The following SMYD3 variants were observed in gnomAD, a reference collection of about 807,000 sequenced individuals.
The protein encoded by SMYD3 is histone-lysine N-methyltransferase SMYD3.
Under a neutral mutation model 57.7 loss-of-function variants are expected in SMYD3, and 36 were observed. The ratio of observed to expected loss-of-function variants is 0.62; its 90% CI spans 0.48 to 0.82. SMYD3 has a LOEUF of 0.82. SMYD3 is among the 40% of genes least tolerant of loss of function. The probability of loss-of-function intolerance (pLI) is 0.00; values close to 1 mark genes in which losing one functional copy is unlikely to be tolerated. For missense variants in SMYD3, 515 were observed against 538.8 expected (o/e 0.96, Z 0.44); for synonymous variants, 211 against 195.0 (o/e 1.08, Z -0.68).
intron 5 of SMYD3, among the ~76,000 whole-genome samples, chr1:246,187,798 C>A (rs2062665857): frequency 6.6e-6 from 1 of 152,126 alleles, no homozygotes; most frequent in South Asian, 2.1e-4. Context: ...GGAACCCATT[C>A]CTTGGAGATA....
At chr1:245,811,988 G>T (rs1445850081) in intron 10 of SMYD3, among the ~76,000 whole-genome samples, 1 of 152,162 alleles carries the variant, frequency 6.6e-6, no homozygotes, top group Non-Finnish European at 1.5e-5. Context: ...ACAGAAGATG[G>T]TCCTCTTTCT....
intron 5 of SMYD3, among the ~76,000 whole-genome samples, chr1:246,014,179 C>G (rs111795916): frequency 0.059 from 8,959 of 152,126 alleles, 293 homozygotes; most frequent in African/African-American, 0.068. Context: ...AAAAGTTAGC[C>G]GGGCATGGTG....
intron 1 of SMYD3, among the ~76,000 whole-genome samples, chr1:246,497,990 A>G (rs947353211): frequency 5.3e-4 from 81 of 152,366 alleles, no homozygotes; most frequent in African/African-American, 1.7e-3. Flanking sequence ...CTTCACCCAT[A>G]ATGCAATTTA....
At chr1:246,504,716 A>G (rs1307459679) in intron 1 of SMYD3, among the ~76,000 whole-genome samples, 1 of 152,226 alleles carries the variant, frequency 6.6e-6, no homozygotes, top group African/African-American at 2.4e-5. Context: ...GTTAGGAGGA[A>G]AATTCTGCCA....
rs931205209 is a variant in SMYD3, at chr1:246,056,910, C to A, written c.532-126973G>T. Among the ~76,000 whole-genome samples the A allele has an allele frequency of 2.4e-4, 36 of 152,310 alleles. 1 individual carries two copies. The highest frequency in any genetic ancestry group is 8.7e-4 in the African/African-American group (36 of 41,556). On this transcript the variant is annotated intron_variant, in intron 5 of 11. Coordinates refer to ENST00000490107, the MANE Select transcript of SMYD3 (RefSeq NM_001167740.2). The stretch of plus-strand genomic sequence containing the variant: ...ATTGGGCACACAGATTAAGAACACA[C>A]ACTCCACAGTCACACTTCCCAGGTC...
chr1:246,041,671 A>T (rs1012700572), intron 5 of SMYD3, among the ~76,000 whole-genome samples: 5 of 152,204 alleles, frequency 3.3e-5, no homozygotes, highest in Non-Finnish European at 7.3e-5. Context: ...AAACATTCAT[A>T]GCCTGAGTGA....
rs376292302 is a variant in SMYD3, at chr1:245,858,448, A to G, written c.1076+48T>C. Reference sequence around the variant, plus strand: ...CTTCACAACATGGATCCTTTGCCCAACGTGAAGACGTCCTAGCCCTTATGT... The same window carrying G: ...CTTCACAACATGGATCCTTTGCCCAGCGTGAAGACGTCCTAGCCCTTATGT... On this transcript the variant is annotated intron_variant, in intron 10 of 11. Coordinates refer to ENST00000490107, the MANE Select transcript of SMYD3 (RefSeq NM_001167740.2). The G allele has an allele frequency of 2.6e-5, 40 of 1,545,042 alleles. 1 individual carries two copies. Among genetic ancestry groups the G allele is most frequent in the Non-Finnish European group, 2.8e-5 (32 of 1,145,544 alleles).
intron 11 of SMYD3, among the ~76,000 whole-genome samples, chr1:245,754,435 C>T (rs2045525187): frequency 6.6e-6 from 1 of 152,018 alleles, no homozygotes; most frequent in Admixed American, 6.6e-5. Flanking sequence ...AAAAATAAAG[C>T]AGGTTTTCTT....
intron 2 of SMYD3, among the ~76,000 whole-genome samples, chr1:246,348,732 A>G: frequency 6.6e-6 from 1 of 152,168 alleles, no homozygotes; most frequent in East Asian, 1.9e-4. Flanking sequence ...AAACCCGCAC[A>G]TGTACCCCCA....
At chr1:246,313,940 A>C (rs1263198827) in intron 5 of SMYD3, among the ~76,000 whole-genome samples, 6 of 152,202 alleles carry the variant, frequency 3.9e-5, no homozygotes, top group African/African-American at 1.2e-4. Flanking sequence ...TTAATGTTTT[A>C]ATATGCAGTA....
At chr1:245,894,245 A>T (rs1186306693) in intron 8 of SMYD3, among the ~76,000 whole-genome samples, 1 of 144,634 alleles carries the variant, frequency 6.9e-6, no homozygotes, top group Non-Finnish European at 1.5e-5. Flanking sequence ...TGTAAAATGG[A>T]CCAATCAGCA....
intron 2 of SMYD3, among the ~76,000 whole-genome samples, chr1:246,352,667 G>A (rs1021793449): frequency 2.0e-5 from 3 of 152,104 alleles, no homozygotes; most frequent in Non-Finnish European, 2.9e-5. Context: ...TGATGCCACA[G>A]TAAACAGCTA....
At chr1:246,382,916 A>G (rs1393931945) in intron 1 of SMYD3, among the ~76,000 whole-genome samples, 1 of 152,160 alleles carries the variant, frequency 6.6e-6, no homozygotes. Context: ...ACTTCAGGCC[A>G]GCCCCTACAG....
At chr1:245,766,046 G>T (rs2148064618) in intron 10 of SMYD3, among the ~76,000 whole-genome samples, 1 of 152,164 alleles carries the variant, frequency 6.6e-6, no homozygotes, top group African/African-American at 2.4e-5. Flanking sequence ...CTCTTAAGAA[G>T]TAGAAAGCAG....
At chr1:246,246,271 G>A (rs184605983) in intron 5 of SMYD3, among the ~76,000 whole-genome samples, 1 of 152,082 alleles carries the variant, frequency 6.6e-6, no homozygotes, top group African/African-American at 2.4e-5. Context: ...TTGTTCTTAC[G>A]GTATGATCCT....
intron 5 of SMYD3, among the ~76,000 whole-genome samples, chr1:246,110,953 A>G (rs1024222385): frequency 1.3e-5 from 2 of 152,164 alleles, no homozygotes; most frequent in Non-Finnish European, 2.9e-5. Context: ...CTTAGGAGCG[A>G]ACTCTGCATT....
rs555381590 is a variant in SMYD3, at chr1:246,070,402, G to A, written c.532-140465C>T. 2.0e-4 allele frequency among the ~76,000 whole-genome samples: 31 copies of A among 152,316 alleles called. No individual in the cohort carries two copies. In the South Asian group the frequency reaches 5.8e-3, roughly 29 times the overall value. ...CATCTGGGCATTTCTGCAGCAATCT[G>A]TAAGAGACTTTATACACGTATCCAT... is the stretch of plus-strand genomic sequence containing the variant. On this transcript the variant is annotated intron_variant, in intron 5 of 11. Transcript: ENST00000490107.
chr1:245,917,406 T>G (rs1030673377), intron 7 of SMYD3, among the ~76,000 whole-genome samples: 1 of 152,204 alleles, frequency 6.6e-6, no homozygotes, highest in African/African-American at 2.4e-5. Context: ...AAAGAAAAAC[T>G]GGTCCTTCGT....
intron 5 of SMYD3, among the ~76,000 whole-genome samples, chr1:246,167,790 C>T (rs555488206): frequency 2.0e-5 from 3 of 152,252 alleles, no homozygotes; most frequent in Admixed American, 6.5e-5. Context: ...GGATTACAGG[C>T]GTGAGCCACC....
Sources: allele counts gnomAD v4.1 joint callset (sites outside exome capture counted in the v4.1 genomes callset), GRCh38; gene constraint gnomAD v4.1.1; transcripts MANE v1.5; gene names NCBI Gene and HGNC (gene_info 2026-07-23, HGNC 2026-07-21).